RANBP3L: variants seen among roughly 807,000 people sequenced by gnomAD.
RANBP3L encodes the protein RAN binding protein 3 like.
In RANBP3L, 56 loss-of-function variants were observed where a neutral mutation model predicts 67.2. The ratio of observed to expected loss-of-function variants is 0.83; its 90% CI spans 0.67 to 1.04. The LOEUF is 1.04. Among genes scored for constraint, RANBP3L ranks in the 50% least tolerant of loss-of-function variants. The pLI, the probability that RANBP3L is intolerant of heterozygous loss-of-function variation, is 0.00. For synonymous variants in RANBP3L, 164 were observed against 181.4 expected (o/e 0.90, Z 0.77); for missense variants, 496 against 535.5 (o/e 0.93, Z 0.73).
At chr5:36,274,088 C>T (rs115201970) in intron 1 of RANBP3L, among the ~76,000 whole-genome samples, 19 of 152,160 alleles carry the variant, frequency 1.2e-4, no homozygotes, top group East Asian at 3.8e-4. Flanking sequence ...TCTGACCACA[C>T]GCCAGCACCA....
chr5:36,295,875 A>T (rs1056503646), intron 1 of RANBP3L, among the ~76,000 whole-genome samples: 3 of 152,052 alleles, frequency 2.0e-5, no homozygotes, highest in African/African-American at 7.2e-5. Flanking sequence ...GTGATTAGAG[A>T]TTGGAAATTT....
intron 1 of RANBP3L, among the ~76,000 whole-genome samples, chr5:36,295,965 A>G (rs1752186739): frequency 6.6e-6 from 1 of 152,078 alleles, no homozygotes; most frequent in Non-Finnish European, 1.5e-5. Context: ...CAATTATTTA[A>G]TCAATCATGC....
At chr5:36,300,905 G>T (rs1346245250) in intron 1 of RANBP3L, among the ~76,000 whole-genome samples, 1 of 152,136 alleles carries the variant, frequency 6.6e-6, no homozygotes, top group Non-Finnish European at 1.5e-5. Flanking sequence ...CACAATGAAT[G>T]AGCCAGAGAT....
intron 1 of RANBP3L, among the ~76,000 whole-genome samples, chr5:36,280,029 G>A (rs755139474): frequency 5.9e-5 from 9 of 152,114 alleles, no homozygotes; most frequent in Non-Finnish European, 1.2e-4. Flanking sequence ...ATTATCCAGA[G>A]CTTTGTCTAA....
Position 36,287,610 on chromosome 5 carries a change from G to A in RANBP3L, c.91+13716C>T, listed in dbSNP as rs1024509510. Among the ~76,000 whole-genome samples, 21 of 152,052 alleles carry A rather than the reference G, an allele frequency of 1.4e-4. No homozygotes were observed. In the East Asian group the frequency reaches 1.5e-3, roughly 11 times the overall value. On this transcript the variant is annotated intron_variant, in intron 1 of 13. Transcript: ENST00000296604. ...ATTCTAAAGAAAATTAAGATAAATC[G>A]TTGATTCTAAAGGATGTTCAATAAT...
At chr5:36,296,622 C>T (rs549529301) in intron 1 of RANBP3L, among the ~76,000 whole-genome samples, 2 of 152,250 alleles carry the variant, frequency 1.3e-5, no homozygotes, top group African/African-American at 4.8e-5. Flanking sequence ...TGAAGATTCA[C>T]GGTTTCCACA....
In RANBP3L at chr5:36,269,389, C is replaced by G; in HGVS notation, c.268+1G>C. 1.3e-6 allele frequency: 2 copies of G among 1,526,726 alleles called. No homozygotes were observed. The highest frequency in any genetic ancestry group is 2.2e-5 in the East Asian group (1 of 44,478). The allele number at this position is 1,526,726 out of a possible 1,614,324, so 94.6% of individuals were successfully genotyped here. The stretch of plus-strand genomic sequence containing the variant: ...TAGTCAACAGTCAAGGCTATACATA[C>G]CTCCCTGGGACTGAGAATCTGTAAT... On this transcript the variant is annotated splice_donor_variant, in intron 4 of 13. Transcript: ENST00000296604. LOFTEE classifies it high-confidence loss of function.
chr5:36,270,362 T>C lies in RANBP3L; in HGVS notation c.151-372A>G, dbSNP rs141372240. Among the ~76,000 whole-genome samples, 10 of 152,332 alleles carry C rather than the reference T, an allele frequency of 6.6e-5. No individual in the cohort carries two copies. The East Asian group carries it at 1.7e-3, about 26-fold the overall frequency. ...GTTGTTCTGGGATGGGGTCCAGGAA[T>C]CTGCTTTTTTAACAAGGGCTTGGAG... is the stretch of plus-strand genomic sequence containing the variant. On this transcript the variant is annotated intron_variant, in intron 2 of 13. Coordinates refer to ENST00000296604, the MANE Select transcript of RANBP3L (RefSeq NM_145000.5).
At chr5:36,299,339 G>GTATATATATACACATACATA (rs1752458922) in intron 1 of RANBP3L, among the ~76,000 whole-genome samples, 2 of 140,828 alleles carry the variant, frequency 1.4e-5, no homozygotes, top group East Asian at 4.5e-4. Flanking sequence ...ACATATATGT[G>GTATATATATACACATACATA]TGTGTGTGTG....
At position 36,246,976 on chromosome 5, in the gene RANBP3L, AAAAG is replaced by A. The variant is rs554657920; in HGVS notation, c.*2674_*2677del. On this transcript the variant is annotated 3_prime_UTR_variant, in exon 14 of 14. Transcript: ENST00000296604. ...GTAAACAGTTGGGTAAAATCTTACT[AAAAG>A]AAAGTTAAGGTTGTCTTAACACAAG... 1.6e-4 allele frequency among the ~76,000 whole-genome samples: 24 copies of A among 152,324 alleles called. No individual in the cohort carries two copies. The highest frequency in any genetic ancestry group is 2.8e-4 in the Non-Finnish European group (19 of 68,022).
At chr5:36,254,656 T>C (rs1370238239) in intron 11 of RANBP3L, among the ~76,000 whole-genome samples, 1 of 152,056 alleles carries the variant, frequency 6.6e-6, no homozygotes, top group African/African-American at 2.4e-5. Flanking sequence ...ATCTGAATTA[T>C]ATCTCTTAAC....
At chr5:36,259,733 A>G (rs978698804) in intron 8 of RANBP3L, among the ~76,000 whole-genome samples, 7 of 152,296 alleles carry the variant, frequency 4.6e-5, no homozygotes, top group African/African-American at 1.4e-4. Context: ...CGTTCGAGCT[A>G]TCTCAGCCAC....
intron 1 of RANBP3L, among the ~76,000 whole-genome samples, chr5:36,296,866 C>T (rs1752253544): frequency 6.6e-6 from 1 of 152,084 alleles, no homozygotes; most frequent in Non-Finnish European, 1.5e-5. Flanking sequence ...GACTGACTAC[C>T]CCAGAGCAAC....
chr5:36,290,089 G>C (rs979958220), intron 1 of RANBP3L, among the ~76,000 whole-genome samples: 1 of 152,070 alleles, frequency 6.6e-6, no homozygotes, highest in African/African-American at 2.4e-5. Context: ...ATATCAGTTG[G>C]TGTTGAATTT....
chr5:36,261,964 C>A lies in RANBP3L; in HGVS notation c.559G>T (p.Asp187Tyr), dbSNP rs1353871853. 6.3e-7 allele frequency: 1 copy of A among 1,592,830 alleles called. No individual in the cohort carries two copies. ...RISVQLSTNQ[D>Y]FLGATSVGCQ... is the part of the protein sequence containing the mutation. ...CCTACTGATGTTGCACCTAAAAAGT[C>A]CTGGTTAGTAGACAGCTGGACTGAA... The change falls in exon 7 of 14, where the codon GAC (aspartate) becomes TAC (tyrosine). Residue 187 changes from aspartate to tyrosine, a missense_variant. Physicochemically the swap from Asp to Tyr is radical, Grantham distance 160. Coordinates refer to ENST00000296604, the MANE Select transcript of RANBP3L (RefSeq NM_145000.5).
intron 1 of RANBP3L, among the ~76,000 whole-genome samples, chr5:36,278,534 C>T (rs917478066): frequency 1.3e-5 from 2 of 152,124 alleles, no homozygotes; most frequent in Non-Finnish European, 2.9e-5. Context: ...AGGAAAATGG[C>T]AGTAAAGATT....
chr5:36,284,573 G>A (rs532053169), intron 1 of RANBP3L, among the ~76,000 whole-genome samples: 1 of 152,270 alleles, frequency 6.6e-6, no homozygotes, highest in Admixed American at 6.5e-5. Context: ...TTAATTTGAG[G>A]TTTTGCATAC....
chr5:36,269,913 T>C (rs746425651), intron 3 of RANBP3L, 38 bp downstream of exon 3: 13 of 1,562,780 alleles, frequency 8.3e-6, no homozygotes, highest in Non-Finnish European at 1.1e-5. Context: ...TTTGTTTGTA[T>C]AAAGATTGAT....
chr5:36,283,536 A>G (rs1751123139), intron 1 of RANBP3L, among the ~76,000 whole-genome samples: 1 of 130,950 alleles, frequency 7.6e-6, no homozygotes, highest in African/African-American at 3.2e-5. Flanking sequence ...CTGTATATAA[A>G]AATACACACA....
Sources: gnomAD v4.1 joint callset for allele counts (sites outside exome capture counted in the v4.1 genomes callset) on GRCh38, gnomAD v4.1.1 for gene constraint, MANE v1.5 for transcripts, NCBI Gene and HGNC (gene_info 2026-07-23, HGNC 2026-07-21) for gene names.